Variants in GMDS observed in about 807,000 individuals in gnomAD.
GMDS encodes GDP-mannose 4,6-dehydratase.
A neutral mutation model predicts 49.9 loss-of-function variants in GMDS; 20 were observed. The ratio of observed to expected loss-of-function variants is 0.40; its 90% CI spans 0.28 to 0.58. GMDS has a LOEUF of 0.58. GMDS is among the 20% of genes least tolerant of loss of function. The probability of loss-of-function intolerance (pLI) is 0.42; values close to 1 mark genes in which losing one functional copy is unlikely to be tolerated. For synonymous variants in GMDS, 177 were observed against 178.6 expected (o/e 0.99, Z 0.07); for missense variants, 362 against 481.4 (o/e 0.75, Z 2.32).
At chr6:1,863,885 T>C (rs1758316584) in intron 7 of GMDS, among the ~76,000 whole-genome samples, 1 of 152,022 alleles carries the variant, frequency 6.6e-6, no homozygotes, top group South Asian at 2.1e-4. Flanking sequence ...TATCTCAAAA[T>C]AAAAATAAAA....
In GMDS at chr6:1,778,102, G is replaced by A. The variant is rs151120518; in HGVS notation, c.772-35516C>T. Reference sequence around the variant, plus strand: ...GAAAAATGGAACTTTGTTTTATTTTGATAGAGTGCCAAAACAGTACTGCAT... The same window carrying A: ...GAAAAATGGAACTTTGTTTTATTTTAATAGAGTGCCAAAACAGTACTGCAT... On this transcript the variant is annotated intron_variant, in intron 7 of 10. Transcript: ENST00000380815. The surrounding 1 kb of genome is among the most constrained non-coding windows in gnomAD (Gnocchi z 4.6). Among the ~76,000 whole-genome samples the A allele has an allele frequency of 0.016, 2,417 of 152,210 alleles. 38 individuals are homozygous for A. The highest frequency in any genetic ancestry group is 0.026 in the Non-Finnish European group (1,787 of 68,010).
intron 4 of GMDS, among the ~76,000 whole-genome samples, chr6:2,048,356 C>A (rs545625104): frequency 3.9e-5 from 6 of 152,312 alleles, no homozygotes; most frequent in Admixed American, 3.9e-4. Context: ...CTTCCCAAGG[C>A]ACTACACAAA....
intron 4 of GMDS, among the ~76,000 whole-genome samples, chr6:2,010,275 C>T (rs766405273): frequency 9.5e-5 from 14 of 147,770 alleles, no homozygotes; most frequent in Non-Finnish European, 1.3e-4. Flanking sequence ...TGCAGGGAGC[C>T]GAGATCGTGC....
chr6:2,192,492 G>A (rs1037438823), intron 1 of GMDS, among the ~76,000 whole-genome samples: 2 of 152,218 alleles, frequency 1.3e-5, no homozygotes, highest in African/African-American at 4.8e-5. Flanking sequence ...GTGAAGAGGG[G>A]AGAACAGCTG....
At chr6:2,027,581 G>C (rs909568448) in intron 4 of GMDS, among the ~76,000 whole-genome samples, 25 of 152,140 alleles carry the variant, frequency 1.6e-4, no homozygotes, top group Non-Finnish European at 2.9e-5. Context: ...GCAGGAGTGA[G>C]AAACAACAGC....
At chr6:1,915,895 G>A (rs537141826) in intron 7 of GMDS, among the ~76,000 whole-genome samples, 1 of 152,314 alleles carries the variant, frequency 6.6e-6, no homozygotes, top group African/African-American at 2.4e-5. Flanking sequence ...TTTAATTCAT[G>A]GTTTCAGGCT....
At chr6:2,154,862 G>GAAAAAAAA (rs1562103386) in intron 1 of GMDS, among the ~76,000 whole-genome samples, 19 of 33,826 alleles carry the variant, frequency 5.6e-4, no homozygotes, top group African/African-American at 1.3e-3. Flanking sequence ...TTGAAGAGAT[G>GAAAAAAAA]CAAAAAAAAA....
At chr6:2,193,749 G>T (rs1392617817) in intron 1 of GMDS, among the ~76,000 whole-genome samples, 1 of 139,082 alleles carries the variant, frequency 7.2e-6, no homozygotes, top group Non-Finnish European at 1.5e-5. Flanking sequence ...TTTTGAGATG[G>T]AGTCTCGCTC....
chr6:1,864,003 T>C (rs1758325035), intron 7 of GMDS, among the ~76,000 whole-genome samples: 1 of 152,170 alleles, frequency 6.6e-6, no homozygotes, highest in African/African-American at 2.4e-5. Context: ...ATTGATACAA[T>C]TAATTTCTCT....
intron 1 of GMDS, among the ~76,000 whole-genome samples, chr6:2,216,429 T>C (rs1008638991): frequency 1.3e-5 from 2 of 152,208 alleles, no homozygotes; most frequent in Non-Finnish European, 2.9e-5. Flanking sequence ...TTAATCAGAG[T>C]AACAGGCATG....
intron 4 of GMDS, among the ~76,000 whole-genome samples, chr6:1,999,679 C>T (rs1581490713): frequency 6.7e-6 from 1 of 150,004 alleles, no homozygotes; most frequent in South Asian, 2.1e-4. Context: ...AAAATGAGAA[C>T]ATAAATTTTA....
At chr6:2,196,956 C>A (rs78072367) in intron 1 of GMDS, among the ~76,000 whole-genome samples, 2 of 152,100 alleles carry the variant, frequency 1.3e-5, no homozygotes, top group Non-Finnish European at 2.9e-5. Context: ...TGATTCTAAA[C>A]GGATACTTGT....
At chr6:1,878,252 T>C (rs1003828717) in intron 7 of GMDS, among the ~76,000 whole-genome samples, 3 of 146,648 alleles carry the variant, frequency 2.0e-5, no homozygotes, top group African/African-American at 7.6e-5. Flanking sequence ...GAGGCGGAGC[T>C]TGCAGTGAGC....
At chr6:1,800,337 AT>A (rs1324276073) in intron 7 of GMDS, among the ~76,000 whole-genome samples, 2 of 152,226 alleles carry the variant, frequency 1.3e-5, no homozygotes, top group Admixed American at 1.3e-4. Context: ...CAGTTTACTA[AT>A]TTGTAAAAAG....
At chr6:1,782,218 G>T (rs1769123762) in intron 7 of GMDS, among the ~76,000 whole-genome samples, 1 of 152,074 alleles carries the variant, frequency 6.6e-6, no homozygotes, top group African/African-American at 2.4e-5. Context: ...TCTAGCAAAA[G>T]ACCCAGTTAC....
chr6:2,133,580 C>A (rs984321984), intron 1 of GMDS, among the ~76,000 whole-genome samples: 8 of 152,190 alleles, frequency 5.3e-5, no homozygotes, highest in African/African-American at 1.9e-4. Context: ...ATAGAAATGT[C>A]ACTTGTCAAC....
rs1027720060 is a variant in GMDS, at chr6:1,684,812, T to G, written c.987+41604A>C. Among the ~76,000 whole-genome samples, 3 of 152,218 alleles carry G rather than the reference T, an allele frequency of 2.0e-5. No individual in the cohort carries two copies. The South Asian group carries it at 6.2e-4, about 32-fold the overall frequency. On this transcript the variant is annotated intron_variant, in intron 9 of 10. Coordinates refer to ENST00000380815, the MANE Select transcript of GMDS (RefSeq NM_001500.4). ...TGGGTGATTTTTATTTTAAATAAAT[T>G]ATACCTCATTAAAGCTGGGGGTTAA...
intron 1 of GMDS, among the ~76,000 whole-genome samples, chr6:2,128,379 T>A (rs562191525): frequency 6.6e-6 from 1 of 152,232 alleles, no homozygotes; most frequent in African/African-American, 2.4e-5. Context: ...TTCACCATGT[T>A]GGCCAGGCTG....
chr6:2,132,444 T>C (rs1468341489), intron 1 of GMDS, among the ~76,000 whole-genome samples: 1 of 152,158 alleles, frequency 6.6e-6, no homozygotes, highest in East Asian at 1.9e-4. Flanking sequence ...CTGGTCTAGA[T>C]AGGATTATGT....
Sources: gnomAD v4.1 joint callset for allele counts (sites outside exome capture counted in the v4.1 genomes callset) on GRCh38, gnomAD v4.1.1 for gene constraint, Gnocchi (gnomAD v3.1) non-coding constraint, MANE v1.5 for transcripts, NCBI Gene and HGNC (gene_info 2026-07-23, HGNC 2026-07-21) for gene names.